ZNF362: variants seen among roughly 807,000 people sequenced by gnomAD.
ZNF362 encodes zinc finger protein 362.
A neutral mutation model predicts 42.9 loss-of-function variants in ZNF362; 11 were observed. That is an observed-to-expected ratio of 0.26 (90% CI 0.16 to 0.42). The LOEUF (loss-of-function observed/expected upper bound fraction) is 0.42, where lower values mean the gene tolerates loss of function less well. Among genes scored for constraint, ZNF362 ranks in the 20% least tolerant of loss-of-function variants. The probability of loss-of-function intolerance (pLI) is 1.00; values close to 1 mark genes in which losing one functional copy is unlikely to be tolerated. For missense variants in ZNF362, 362 were observed against 576.2 expected, an observed-to-expected ratio of 0.63 and a Z score of 3.81; for synonymous variants, 255 against 257.3, an observed-to-expected ratio of 0.99 and a Z score of 0.09.
the ZNF362 span, among the ~76,000 whole-genome samples, chr1:33,136,361 T>C: frequency 6.6e-6 from 1 of 151,396 alleles, no homozygotes; most frequent in Admixed American, 6.6e-5. Context: ...TCTCTCTCTC[T>C]GTCTTTCTTT....
chr1:33,237,819 T>A, the ZNF362 span, among the ~76,000 whole-genome samples: 4 of 152,170 alleles, frequency 2.6e-5, no homozygotes, highest in Non-Finnish European at 5.9e-5. Flanking sequence ...CTCCGTCAGC[T>A]GCTGAGGACA....
At chr1:33,165,871 C>G in the ZNF362 span, 1 of 236,112 alleles carries the variant, frequency 4.2e-6, no homozygotes, top group East Asian at 8.4e-5. The surrounding 1 kb of genome is among the most constrained non-coding windows in gnomAD (Gnocchi z 4.0). Flanking sequence ...GGCCCTGGAT[C>G]CCCGCTTAGA....
At chr1:33,243,891 C>G in the ZNF362 span, among the ~76,000 whole-genome samples, 1 of 151,844 alleles carries the variant, frequency 6.6e-6, no homozygotes, top group African/African-American at 2.4e-5. Flanking sequence ...GGATTACAGG[C>G]GTGAGCTACT....
chr1:33,211,102 T>C, the ZNF362 span, among the ~76,000 whole-genome samples: 1 of 151,802 alleles, frequency 6.6e-6, no homozygotes, highest in African/African-American at 2.4e-5. Context: ...CCTGGCTAAT[T>C]TTTTGTATTT....
chr1:33,167,101 C>T, the ZNF362 span, among the ~76,000 whole-genome samples: 1 of 152,116 alleles, frequency 6.6e-6, no homozygotes, highest in Non-Finnish European at 1.5e-5. This position sits in a 1 kb window ranked among gnomAD's most constrained non-coding sequence, Gnocchi z 4.2. Context: ...TGGCTGGTGG[C>T]CTCCACTCTC....
chr1:33,290,984 A>G (rs1646073206), intron 6 of ZNF362, among the ~76,000 whole-genome samples: 1 of 151,818 alleles, frequency 6.6e-6, no homozygotes. Context: ...AGATGAGTAG[A>G]TTGCAAAAAT....
the ZNF362 span, among the ~76,000 whole-genome samples, chr1:33,189,714 T>C: frequency 8.0e-6 from 1 of 124,732 alleles, no homozygotes; most frequent in African/African-American, 3.2e-5. Context: ...TATACGTATA[T>C]ATATACATAC....
At chr1:33,201,714 A>C in the ZNF362 span, among the ~76,000 whole-genome samples, 1 of 152,188 alleles carries the variant, frequency 6.6e-6, no homozygotes, top group African/African-American at 2.4e-5. Flanking sequence ...AAGAAACAAC[A>C]AAAAGAGAAA....
upstream of ZNF362, among the ~76,000 whole-genome samples, chr1:33,253,394 T>G (rs1645770663): frequency 6.6e-6 from 1 of 150,708 alleles, no homozygotes; most frequent in African/African-American, 2.4e-5. Flanking sequence ...AGCTAAGACC[T>G]GAAGGATAAA....
chr1:33,181,008 C>G, the ZNF362 span: 1 of 1,318,652 alleles, frequency 7.6e-7, no homozygotes, highest in African/African-American at 1.5e-5. This position sits in a 1 kb window ranked among gnomAD's most constrained non-coding sequence, Gnocchi z 6.5. Context: ...CTTCCCCAGG[C>G]AGGCCGGGTA....
chr1:33,200,453 T>A, the ZNF362 span: 1 of 152,018 alleles, frequency 6.6e-6, no homozygotes, highest in Non-Finnish European at 1.5e-5. Flanking sequence ...CTCAACCATA[T>A]CAAGAATTAC....
At chr1:33,276,917 G>A (rs1375544768) in intron 4 of ZNF362, among the ~76,000 whole-genome samples, 3 of 152,254 alleles carry the variant, frequency 2.0e-5, no homozygotes, top group South Asian at 2.1e-4. Context: ...TCCAGAGAAC[G>A]ACCCTGACCA....
upstream of ZNF362, among the ~76,000 whole-genome samples, chr1:33,254,322 C>T (rs1171985804): frequency 2.6e-5 from 4 of 152,172 alleles, no homozygotes; most frequent in East Asian, 7.7e-4. Context: ...TGGGGTTTCA[C>T]CACGTTGGTC....
chr1:33,238,642 G>A, the ZNF362 span, among the ~76,000 whole-genome samples: 1 of 152,102 alleles, frequency 6.6e-6, no homozygotes, highest in South Asian at 2.1e-4. Context: ...GACTTCATAT[G>A]TTAAAGCCCT....
intron 4 of ZNF362, among the ~76,000 whole-genome samples, chr1:33,279,274 C>T (rs543866904): frequency 1.3e-5 from 2 of 152,274 alleles, no homozygotes; most frequent in South Asian, 2.1e-4. Flanking sequence ...ATACTCCTAC[C>T]TCAGCTTCCT....
chr1:33,136,700 G>A, the ZNF362 span, among the ~76,000 whole-genome samples: 1 of 151,056 alleles, frequency 6.6e-6, no homozygotes, highest in African/African-American at 2.4e-5. Context: ...CCCAACAACT[G>A]TCTATGAAAA....
the ZNF362 span, chr1:33,147,053 G>T: frequency 1.0e-6 from 1 of 996,454 alleles, no homozygotes; most frequent in Non-Finnish European, 1.5e-6. The surrounding 1 kb of genome is among the most constrained non-coding windows in gnomAD (Gnocchi z 8.1). Context: ...GAGGCTGGAG[G>T]GTAAACAACT....
chr1:33,142,710 C>G, the ZNF362 span: 5 of 152,236 alleles, frequency 3.3e-5, no homozygotes, highest in African/African-American at 1.2e-4. Context: ...CTTTAAATCC[C>G]AGGGAGATCA....
the ZNF362 span, among the ~76,000 whole-genome samples, chr1:33,231,312 C>T: frequency 6.6e-6 from 1 of 152,170 alleles, no homozygotes; most frequent in Non-Finnish European, 1.5e-5. Context: ...TTGTTGATTG[C>T]ATGAGGTTTC....
Sources: gnomAD v4.1 joint callset for allele counts (sites outside exome capture counted in the v4.1 genomes callset) on GRCh38, gnomAD v4.1.1 for gene constraint, Gnocchi (gnomAD v3.1) non-coding constraint, MANE v1.5 for transcripts, NCBI Gene and HGNC (gene_info 2026-07-23, HGNC 2026-07-21) for gene names.